COLEC10: variants seen among roughly 807,000 people sequenced by gnomAD.
COLEC10 encodes the protein collectin subfamily member 10, also known as collectin-10.
In COLEC10, 22 loss-of-function variants were observed where a neutral mutation model predicts 28.4. The ratio of observed to expected loss-of-function variants is 0.78; its 90% confidence interval spans 0.55 to 1.11. The LOEUF is 1.11. Ranked by LOEUF, COLEC10 falls within the 50% of genes least tolerant of loss-of-function variation. The probability of loss-of-function intolerance (pLI) is 0.00; values close to 1 mark genes in which losing one functional copy is unlikely to be tolerated. For synonymous variants in COLEC10, 125 were observed against 116.1 expected (o/e 1.08, Z -0.49); for missense variants, 361 against 344.1 (o/e 1.05, Z -0.39).
intron 1 of COLEC10, among the ~76,000 whole-genome samples, chr8:118,996,526 T>A (rs1354728927): frequency 6.6e-6 from 1 of 152,162 alleles, no homozygotes; most frequent in Admixed American, 6.5e-5. Flanking sequence ...AACACTTGTC[T>A]TTTTTTAAAA....
At position 119,038,166 on chromosome 8, in the gene COLEC10, C is replaced by A. The variant is rs73325445; in HGVS notation, n.235+28613C>A. The stretch of plus-strand genomic sequence containing the variant: ...AATCAACATAGTAAGATAGAATAAA[C>A]TTGGGCTTTGATATGAGATCAACCT... On this transcript the variant is annotated intron_variant and non_coding_transcript_variant, in intron 2 of 6. Transcript: ENST00000521788. Among the ~76,000 whole-genome samples the A allele has an allele frequency of 3.7e-3, 565 of 152,276 alleles. 4 individuals carry two copies. Among genetic ancestry groups the A allele is most frequent in the African/African-American group, 0.012 (515 of 41,564 alleles).
the COLEC10 span, among the ~76,000 whole-genome samples, chr8:118,967,318 T>C: frequency 2.6e-5 from 4 of 151,796 alleles, no homozygotes; most frequent in Non-Finnish European, 5.9e-5. Flanking sequence ...AAGAAAAAAA[T>C]GGAAAGAAAA....
chr8:119,076,014 C>T (rs1395264456), intron 1 of COLEC10, among the ~76,000 whole-genome samples: 1 of 148,858 alleles, frequency 6.7e-6, no homozygotes, highest in African/African-American at 2.5e-5. Context: ...CATTCTCCTG[C>T]CTCAGCCTCC....
At chr8:119,071,138 G>C (rs1222563521) in intron 1 of COLEC10, among the ~76,000 whole-genome samples, 1 of 152,178 alleles carries the variant, frequency 6.6e-6, no homozygotes, top group East Asian at 1.9e-4. Flanking sequence ...CAAAGTCAAA[G>C]AACATGACAT....
intron 2 of COLEC10, among the ~76,000 whole-genome samples, chr8:119,035,890 T>A (rs1814381261): frequency 1.3e-5 from 2 of 152,188 alleles, no homozygotes; most frequent in Admixed American, 1.3e-4. Context: ...ATGTTCCCAT[T>A]TCAAGTTTCT....
intron 1 of COLEC10, among the ~76,000 whole-genome samples, chr8:119,073,364 GAC>G (rs1387720165): frequency 6.6e-6 from 1 of 150,452 alleles, no homozygotes; most frequent in Non-Finnish European, 1.5e-5. Flanking sequence ...GTATAAACAT[GAC>G]ACAGAACTAT....
chr8:118,998,594 G>A lies in COLEC10; in HGVS notation n.122+3021G>A, dbSNP rs13260214. 3.2e-4 allele frequency among the ~76,000 whole-genome samples: 48 copies of A among 151,764 alleles called. No individual in the cohort carries two copies. In the East Asian group the frequency reaches 8.9e-3, roughly 28 times the overall value. On this transcript the variant is annotated intron_variant and non_coding_transcript_variant, in intron 1 of 6. Transcript: ENST00000521788. The stretch of plus-strand genomic sequence containing the variant: ...TGGCTCACGCCTGTAATCCCAGCTC[G>A]TTTGGAGGCCGAGGCAGGTGGATCA...
chr8:119,067,000 CTTTG>C (rs1464424065), upstream of COLEC10, among the ~76,000 whole-genome samples: 1 of 152,150 alleles, frequency 6.6e-6, no homozygotes, highest in Non-Finnish European at 1.5e-5. Context: ...TCTCTATCTT[CTTTG>C]TTCTTGGGGA....
At chr8:119,099,734 C>G (rs1033336089) in intron 3 of COLEC10, among the ~76,000 whole-genome samples, 1 of 152,178 alleles carries the variant, frequency 6.6e-6, no homozygotes, top group African/African-American at 2.4e-5. Flanking sequence ...TAAGTTCTAG[C>G]TAAGGGCTAC....
chr8:119,045,107 G>A (rs1399372785), intron 2 of COLEC10, among the ~76,000 whole-genome samples: 1 of 152,148 alleles, frequency 6.6e-6, no homozygotes, highest in Non-Finnish European at 1.5e-5. Context: ...AATTCTTGAT[G>A]ATACAAGTAT....
chr8:118,961,932 G>C, the COLEC10 span, among the ~76,000 whole-genome samples: 8 of 152,172 alleles, frequency 5.3e-5, no homozygotes, highest in African/African-American at 1.9e-4. Flanking sequence ...AAGTTGGCAT[G>C]TCAGCTAGTG....
At position 119,034,752 on chromosome 8, in the gene COLEC10, T is replaced by G. The variant is rs547984114; in HGVS notation, n.235+25199T>G. ...TGATGTTAGTCTTACTCTTGGGACTTAGAAGAAAAGACATAAATGTTGAAG... is the reference window on the plus strand; with the variant it reads ...TGATGTTAGTCTTACTCTTGGGACTGAGAAGAAAAGACATAAATGTTGAAG... On this transcript the variant is annotated intron_variant and non_coding_transcript_variant, in intron 2 of 6. Coordinates refer to the COLEC10 transcript ENST00000521788. Among the ~76,000 whole-genome samples, 5 of 152,288 alleles carry G rather than the reference T, an allele frequency of 3.3e-5. No individual in the cohort carries two copies. In the East Asian group the frequency reaches 9.6e-4, roughly 29 times the overall value.
the COLEC10 span, among the ~76,000 whole-genome samples, chr8:118,962,609 G>T: frequency 6.6e-6 from 1 of 151,312 alleles, no homozygotes; most frequent in Non-Finnish European, 1.5e-5. Context: ...TGTTTTTGTG[G>T]CAAGAACACT....
upstream of COLEC10, among the ~76,000 whole-genome samples, chr8:119,064,421 G>A (rs1026072757): frequency 2.6e-5 from 4 of 152,148 alleles, no homozygotes; most frequent in Non-Finnish European, 5.9e-5. Flanking sequence ...GCCAGGAAAT[G>A]TTTGAAAATA....
Position 119,096,895 on chromosome 8 carries a change from G to T in COLEC10, c.293-5453G>T, listed in dbSNP as rs574884705. Among the ~76,000 whole-genome samples, 293 of 152,142 alleles carry T rather than the reference G, an allele frequency of 1.9e-3. 2 individuals carry two copies. Among genetic ancestry groups the T allele is most frequent in the African/African-American group, 6.8e-3 (284 of 41,558 alleles). On this transcript the variant is annotated intron_variant, in intron 3 of 5. Transcript: ENST00000332843. ...GACAATATCTAGTGTTGGTAAGGAT[G>T]CAGAACAACTGAAACTCTTATACTT...
intron 2 of COLEC10, among the ~76,000 whole-genome samples, chr8:119,047,551 A>G (rs1814607230): frequency 6.6e-6 from 1 of 152,212 alleles, no homozygotes; most frequent in South Asian, 2.1e-4. Flanking sequence ...AGGCACAAAG[A>G]CTAAAGATGA....
At chr8:119,041,604 G>A (rs997261289) in intron 2 of COLEC10, among the ~76,000 whole-genome samples, 5 of 151,830 alleles carry the variant, frequency 3.3e-5, no homozygotes, top group African/African-American at 7.3e-5. Flanking sequence ...ATGAAATTGG[G>A]GTAAATACTT....
At chr8:118,967,658 T>C in the COLEC10 span, among the ~76,000 whole-genome samples, 8 of 152,224 alleles carry the variant, frequency 5.3e-5, 1 homozygote, top group South Asian at 2.1e-4. Context: ...GAGGCTCAGA[T>C]TGGAAGTTAA....
At chr8:118,955,204 TA>T in the COLEC10 span, among the ~76,000 whole-genome samples, 3 of 152,314 alleles carry the variant, frequency 2.0e-5, no homozygotes, top group African/African-American at 4.8e-5. Flanking sequence ...ATTTCTTCCT[TA>T]AAAAACACAA....
Sources: allele counts gnomAD v4.1 joint callset (sites outside exome capture counted in the v4.1 genomes callset), GRCh38; gene constraint gnomAD v4.1.1; transcripts MANE v1.5; gene names NCBI Gene and HGNC (gene_info 2026-07-23, HGNC 2026-07-21).